SUSD1: variants seen among roughly 807,000 people sequenced by gnomAD.
The protein encoded by SUSD1 is sushi domain-containing protein 1.
Under a neutral mutation model 86.9 loss-of-function variants are expected in SUSD1, and 65 were observed. That is an observed-to-expected ratio of 0.75 (90% CI 0.61 to 0.92). SUSD1 has a LOEUF of 0.92. SUSD1 is among the 40% of genes least tolerant of loss of function. The pLI, the probability that SUSD1 is intolerant of heterozygous loss-of-function variation, is 0.00. For synonymous variants in SUSD1, 346 were observed against 350.0 expected, an observed-to-expected ratio of 0.99 and a Z score of 0.13; for missense variants, 850 against 929.7, an observed-to-expected ratio of 0.91 and a Z score of 1.11.
intron 6 of SUSD1, among the ~76,000 whole-genome samples, chr9:112,117,196 T>C (rs1831361796): frequency 6.6e-6 from 1 of 152,190 alleles, no homozygotes; most frequent in Admixed American, 6.5e-5. Context: ...CCCACCAGTC[T>C]CCCACAGCCT....
chr9:112,122,456 G>A (rs35338796), intron 6 of SUSD1, among the ~76,000 whole-genome samples: 20,884 of 151,930 alleles, frequency 0.14, 1,790 homozygotes, highest in East Asian at 0.24. Flanking sequence ...CACTGCACCC[G>A]GCTAATTTTT....
intron 10 of SUSD1, among the ~76,000 whole-genome samples, chr9:112,097,722 C>A (rs940019069): frequency 2.0e-5 from 3 of 152,056 alleles, no homozygotes; most frequent in African/African-American, 7.2e-5. Context: ...ATGCAAAGGC[C>A]AAACTGCCCA....
chr9:112,110,395 G>T lies in SUSD1; in HGVS notation c.1171+1259C>A, dbSNP rs555959639. 2.0e-5 allele frequency among the ~76,000 whole-genome samples: 3 copies of T among 151,782 alleles called. No homozygotes were observed. In the East Asian group the frequency reaches 5.8e-4, roughly 30 times the overall value. ...AATTACTTGTCAAGGTTTGTCTACC[G>T]GGTTTTTTGTTTGTTTTCTGAGACA... On this transcript the variant is annotated intron_variant, in intron 8 of 16. Transcript: ENST00000374270.
chr9:112,170,722 G>T (rs932854749), intron 1 of SUSD1, among the ~76,000 whole-genome samples: 1 of 147,916 alleles, frequency 6.8e-6, no homozygotes, highest in Non-Finnish European at 1.5e-5. Context: ...GAGAGAGAGA[G>T]AGAGAGAGAG....
chr9:112,139,356 A>G (rs1267183511), intron 5 of SUSD1, among the ~76,000 whole-genome samples: 1 of 152,218 alleles, frequency 6.6e-6, no homozygotes, highest in East Asian at 1.9e-4. Flanking sequence ...AAATGAAAGG[A>G]ATAAAACACC....
chr9:112,090,728 T>C (rs1272233879), intron 10 of SUSD1, among the ~76,000 whole-genome samples: 2 of 152,178 alleles, frequency 1.3e-5, no homozygotes, highest in Non-Finnish European at 2.9e-5. Context: ...TTTGAAATTA[T>C]ATCAAATTTA....
At chr9:112,093,974 C>A (rs1248954299) in intron 10 of SUSD1, among the ~76,000 whole-genome samples, 1 of 152,094 alleles carries the variant, frequency 6.6e-6, no homozygotes, top group African/African-American at 2.4e-5. Flanking sequence ...TATGTCTCCG[C>A]CTGCAAGAGC....
chr9:112,045,938 A>C (rs2118844744), intron 15 of SUSD1, among the ~76,000 whole-genome samples: 1 of 152,362 alleles, frequency 6.6e-6, no homozygotes, highest in South Asian at 2.1e-4. Flanking sequence ...ACAAAAGCTA[A>C]GTAGGAGTTA....
At chr9:112,105,278 T>C (rs904808261) in intron 8 of SUSD1, among the ~76,000 whole-genome samples, 1 of 149,788 alleles carries the variant, frequency 6.7e-6, no homozygotes, top group Non-Finnish European at 1.5e-5. Flanking sequence ...AAGGAGAAAA[T>C]GGGAAACCAG....
At chr9:112,149,223 C>T (rs779401350) in intron 3 of SUSD1, 21 bp downstream of exon 3, 100 of 1,613,020 alleles carry the variant, frequency 6.2e-5, no homozygotes, top group East Asian at 8.9e-5. Context: ...TTGTCAACAC[C>T]GCAGCCCCCT....
intron 10 of SUSD1, among the ~76,000 whole-genome samples, chr9:112,082,449 C>G (rs1369895268): frequency 1.3e-5 from 2 of 152,088 alleles, no homozygotes; most frequent in East Asian, 3.9e-4. Flanking sequence ...TATAAGAGAG[C>G]AACAAGAACA....
At chr9:112,084,139 G>A (rs1385918547) in intron 10 of SUSD1, among the ~76,000 whole-genome samples, 1 of 151,864 alleles carries the variant, frequency 6.6e-6, no homozygotes, top group Non-Finnish European at 1.5e-5. Context: ...ATACCAAAAT[G>A]TGAAAAAAAT....
At chr9:112,103,058 A>G (rs761851201) in intron 8 of SUSD1, 18 of 385,978 alleles carry the variant, frequency 4.7e-5, no homozygotes, top group Middle Eastern at 3.6e-4. Flanking sequence ...TTCCCAACAA[A>G]CAAGACTGCA....
chr9:112,070,164 C>T lies in SUSD1; in HGVS notation c.1754-7131G>A, dbSNP rs142016899. ...GGGATTACAGGCATGCACCACCACA[C>T]ACGGCTGATTTTTGTATTTTTAGTA... On this transcript the variant is annotated intron_variant, in intron 12 of 16. Transcript: ENST00000374270. Among the ~76,000 whole-genome samples the T allele has an allele frequency of 4.8e-3, 738 of 152,178 alleles. 12 individuals are homozygous for T. Among genetic ancestry groups the T allele is most frequent in the Admixed American group, 0.031 (472 of 15,296 alleles).
intron 2 of SUSD1, 82 bp from the exon 3 acceptor site, chr9:112,149,481 G>C: frequency 6.6e-7 from 1 of 1,522,320 alleles, no homozygotes; most frequent in Non-Finnish European, 8.9e-7. Flanking sequence ...CCATGCTATG[G>C]ACTCGGGAAC....
chr9:112,156,160 G>C (rs1833300195), intron 2 of SUSD1, among the ~76,000 whole-genome samples: 1 of 134,244 alleles, frequency 7.4e-6, no homozygotes, highest in African/African-American at 2.6e-5. Context: ...TAAAATAAAG[G>C]TAAAAAAAAA....
intron 5 of SUSD1, among the ~76,000 whole-genome samples, chr9:112,130,482 A>G (rs138556419): frequency 6.7e-6 from 1 of 148,154 alleles, no homozygotes; most frequent in Non-Finnish European, 1.5e-5. Context: ...GGAGAGGGAA[A>G]GGAGAGGGAG....
chr9:112,155,263 G>A (rs1006768887), intron 2 of SUSD1, among the ~76,000 whole-genome samples: 1 of 150,902 alleles, frequency 6.6e-6, no homozygotes, highest in African/African-American at 2.4e-5. Context: ...AAAAAAAAAA[G>A]TCAAAGGGCA....
chr9:112,160,022 C>T (rs1833497937), intron 1 of SUSD1, among the ~76,000 whole-genome samples: 1 of 145,182 alleles, frequency 6.9e-6, no homozygotes, highest in South Asian at 2.2e-4. Flanking sequence ...AAGCAGGCAG[C>T]CAAGAAAAAG....
Sources: allele counts gnomAD v4.1 joint callset (sites outside exome capture counted in the v4.1 genomes callset), GRCh38; gene constraint gnomAD v4.1.1; transcripts MANE v1.5; gene names NCBI Gene and HGNC (gene_info 2026-07-23, HGNC 2026-07-21).